The following ANKRD11 variants were observed in gnomAD, a reference collection of about 807,000 sequenced individuals.
The protein encoded by ANKRD11 is ankyrin repeat domain 11.
Under a neutral mutation model 195.7 loss-of-function variants are expected in ANKRD11, and 17 were observed. That is an observed-to-expected ratio of 0.09 (90% CI 0.06 to 0.13). The LOEUF (loss-of-function observed/expected upper bound fraction) is 0.13, where lower values mean the gene tolerates loss of function less well. Ranked by LOEUF, ANKRD11 falls within the 10% of genes least tolerant of loss-of-function variation. The probability of loss-of-function intolerance (pLI) is 1.00; values close to 1 mark genes in which losing one functional copy is unlikely to be tolerated. For missense variants in ANKRD11, 3,735 were observed against 3,566.1 expected, an observed-to-expected ratio of 1.05 and a Z score of -1.21; for synonymous variants, 1,953 against 1,528.1, an observed-to-expected ratio of 1.28 and a Z score of -6.49.
intron 3 of ANKRD11, among the ~76,000 whole-genome samples, chr16:89,310,598 T>C (rs1277180349): frequency 6.6e-6 from 1 of 152,224 alleles, no homozygotes; most frequent in East Asian, 1.9e-4. Context: ...ATTTAGGTGT[T>C]TCTGAATTTC....
chr16:89,328,735 C>T (rs2037878012), intron 2 of ANKRD11, among the ~76,000 whole-genome samples: 1 of 143,574 alleles, frequency 7.0e-6, no homozygotes, highest in Non-Finnish European at 1.5e-5. Context: ...AGTGGACATA[C>T]CCAGGAGCAC....
At chr16:89,427,875 CAA>C (rs1428668535) in intron 1 of ANKRD11, among the ~76,000 whole-genome samples, 1 of 151,636 alleles carries the variant, frequency 6.6e-6, no homozygotes, top group Non-Finnish European at 1.5e-5. Flanking sequence ...CAAAATAAAA[CAA>C]GGGCACTGAT....
chr16:89,272,139 G>A (rs920120068), intron 11 of ANKRD11: 2 of 152,220 alleles, frequency 1.3e-5, no homozygotes, highest in Admixed American at 1.3e-4. Context: ...GGCATCTGAA[G>A]AGGAGCTCAA....
chr16:89,315,180 G>A (rs537971876), intron 3 of ANKRD11, among the ~76,000 whole-genome samples: 54 of 152,300 alleles, frequency 3.5e-4, no homozygotes, highest in Non-Finnish European at 5.3e-4. Context: ...TGCTGAAGCC[G>A]AAGCTTGGTG....
intron 2 of ANKRD11, among the ~76,000 whole-genome samples, chr16:89,341,148 G>A (rs991721144): frequency 2.6e-5 from 4 of 152,160 alleles, no homozygotes; most frequent in South Asian, 2.1e-4. Flanking sequence ...TTTCCACTGC[G>A]AAAAGCCTGA....
intron 2 of ANKRD11, among the ~76,000 whole-genome samples, chr16:89,384,514 G>T (rs2040806309): frequency 6.7e-6 from 1 of 149,238 alleles, no homozygotes; most frequent in Non-Finnish European, 1.5e-5. Flanking sequence ...AGGATGGGAC[G>T]ACATGGAACA....
chr16:89,470,887 G>A (rs1597509855), intron 1 of ANKRD11, among the ~76,000 whole-genome samples: 1 of 152,288 alleles, frequency 6.6e-6, no homozygotes, highest in East Asian at 1.9e-4. Context: ...CAGTTACTCG[G>A]GAGGCTGAGG....
At chr16:89,289,691 G>A (rs1035832648) in intron 6 of ANKRD11, among the ~76,000 whole-genome samples, 4 of 152,194 alleles carry the variant, frequency 2.6e-5, no homozygotes, top group South Asian at 2.1e-4. Flanking sequence ...GTCCCTCCAG[G>A]GGCCTGGAGT....
At chr16:89,441,789 A>C (rs2043512962) in intron 1 of ANKRD11, among the ~76,000 whole-genome samples, 1 of 145,176 alleles carries the variant, frequency 6.9e-6, no homozygotes, top group East Asian at 2.0e-4. Flanking sequence ...AAAAAAAAAA[A>C]AAAACGCAAA....
In ANKRD11 at chr16:89,281,347, T is replaced by G; in HGVS notation, c.5195A>C (p.Tyr1732Ser). Reference protein sequence around the residue: ...PRTPSCSADDYADLVFDCADS... With the variant: ...PRTPSCSADDSADLVFDCADS... ...GGCGCAGTCGAACACGAGGTCCGCG[T>G]AGTCATCGGCGCTGCAGGACGGGGT... Residue 1732 changes from tyrosine to serine, a missense_variant, in exon 9 of 13, where the codon TAC becomes TCC. By Grantham distance (144) the Tyr-to-Ser change is moderately radical (BLOSUM62 -2). Transcript: ENST00000301030. The surrounding 1 kb of genome is among the most constrained non-coding windows in gnomAD (Gnocchi z 5.5). 6.2e-7 allele frequency: 1 copy of G among 1,612,302 alleles called. No individual in the cohort carries two copies. Among genetic ancestry groups the G allele is most frequent in the South Asian group, 1.1e-5 (1 of 91,004 alleles).
intron 2 of ANKRD11, among the ~76,000 whole-genome samples, chr16:89,381,008 TAA>T (rs2040620334): frequency 6.6e-6 from 1 of 151,912 alleles, no homozygotes; most frequent in Non-Finnish European, 1.5e-5. Flanking sequence ...GAGCACACGG[TAA>T]ACAATCGATC....
chr16:89,424,721 T>C (rs2042648516), intron 1 of ANKRD11, among the ~76,000 whole-genome samples: 1 of 152,108 alleles, frequency 6.6e-6, no homozygotes, highest in Non-Finnish European at 1.5e-5. Flanking sequence ...TCTCAGGGGT[T>C]AGGGACCAGG....
chr16:89,444,931 C>G (rs1457397624), intron 1 of ANKRD11, among the ~76,000 whole-genome samples: 9 of 152,244 alleles, frequency 5.9e-5, no homozygotes, highest in Non-Finnish European at 4.4e-5. Context: ...GCAGAGACCT[C>G]AGAGGACATC....
intron 1 of ANKRD11, among the ~76,000 whole-genome samples, chr16:89,481,808 G>C (rs764617133): frequency 6.6e-6 from 1 of 151,802 alleles, no homozygotes; most frequent in East Asian, 1.9e-4. Flanking sequence ...CGTTACATGC[G>C]GCCTTCCCAG....
At chr16:89,422,182 G>A (rs1242581811) in intron 1 of ANKRD11, 1 of 152,054 alleles carries the variant, frequency 6.6e-6, no homozygotes, top group African/African-American at 2.4e-5. Flanking sequence ...AGAGCTCTAG[G>A]CCAAACCTAT....
At chr16:89,388,664 G>A (rs1298437317) in intron 2 of ANKRD11, among the ~76,000 whole-genome samples, 1 of 152,188 alleles carries the variant, frequency 6.6e-6, no homozygotes, top group Non-Finnish European at 1.5e-5. Context: ...GCCCTGCGAT[G>A]AGCCGGGGAC....
chr16:89,428,215 T>C (rs1279532432), intron 1 of ANKRD11, among the ~76,000 whole-genome samples: 1 of 150,922 alleles, frequency 6.6e-6, no homozygotes, highest in Non-Finnish European at 1.5e-5. Context: ...CTCAAAAAAA[T>C]AGATTAATTA....
At chr16:89,465,210 C>G (rs897719847) in intron 1 of ANKRD11, among the ~76,000 whole-genome samples, 1 of 152,130 alleles carries the variant, frequency 6.6e-6, no homozygotes, top group African/African-American at 2.4e-5. Flanking sequence ...GACAGAAAAA[C>G]TGAGATGGAG....
At chr16:89,350,664 G>A (rs1435957578) in intron 2 of ANKRD11, among the ~76,000 whole-genome samples, 1 of 152,200 alleles carries the variant, frequency 6.6e-6, no homozygotes, top group Non-Finnish European at 1.5e-5. Context: ...CTGCAAAGAG[G>A]AAAGGGGGAA....
Sources: allele counts gnomAD v4.1 joint callset (sites outside exome capture counted in the v4.1 genomes callset), GRCh38; gene constraint gnomAD v4.1.1; non-coding constraint Gnocchi (gnomAD v3.1); transcripts MANE v1.5; gene names NCBI Gene and HGNC (gene_info 2026-07-23, HGNC 2026-07-21).